Variants in GRIK1 observed in about 807,000 individuals in gnomAD.
GRIK1 encodes glutamate ionotropic receptor kainate type subunit 1.
GRIK1 carries 69 observed loss-of-function variants against 105.7 expected under a neutral mutation model. That is an observed-to-expected ratio of 0.65 (90% CI 0.54 to 0.80). The LOEUF (loss-of-function observed/expected upper bound fraction) is 0.80. GRIK1 is among the 30% of genes least tolerant of loss of function. The pLI is 0.00. For missense variants in GRIK1, 1,109 were observed against 1,167.3 expected, an observed-to-expected ratio of 0.95 and a Z score of 0.73; for synonymous variants, 438 against 431.3, an observed-to-expected ratio of 1.02 and a Z score of -0.19.
intron 6 of GRIK1, among the ~76,000 whole-genome samples, chr21:29,648,781 T>C (rs1269553656): frequency 6.6e-6 from 1 of 151,844 alleles, no homozygotes; most frequent in Non-Finnish European, 1.5e-5. Flanking sequence ...CTGTACTAGA[T>C]GGTGATTCAT....
intron 1 of GRIK1, among the ~76,000 whole-genome samples, chr21:29,710,357 AT>A (rs1024250584): frequency 6.6e-6 from 1 of 151,892 alleles, no homozygotes; most frequent in African/African-American, 2.4e-5. Flanking sequence ...GGCCTTGTCA[AT>A]TTTGTCATTA....
intron 1 of GRIK1, among the ~76,000 whole-genome samples, chr21:29,812,469 A>G (rs769406730): frequency 6.6e-6 from 1 of 152,072 alleles, no homozygotes; most frequent in East Asian, 1.9e-4. Flanking sequence ...CTTGACCTCA[A>G]ACTGTATTTT....
At chr21:29,570,431 G>C (rs1348233229) in intron 14 of GRIK1, among the ~76,000 whole-genome samples, 1 of 151,986 alleles carries the variant, frequency 6.6e-6, no homozygotes, top group Admixed American at 6.5e-5. Flanking sequence ...GAACCTGGGA[G>C]GCGGAGGTCA....
intron 1 of GRIK1, among the ~76,000 whole-genome samples, chr21:29,778,100 A>T (rs1003312084): frequency 6.6e-6 from 1 of 152,116 alleles, no homozygotes; most frequent in African/African-American, 2.4e-5. Context: ...TGGGTAAAAA[A>T]CTTAATATAG....
intron 1 of GRIK1, among the ~76,000 whole-genome samples, chr21:29,936,293 T>A (rs979679852): frequency 6.6e-6 from 1 of 152,252 alleles, no homozygotes; most frequent in Non-Finnish European, 1.5e-5. Flanking sequence ...ATCCTTATTA[T>A]AAATATTACA....
chr21:29,578,975 C>A (rs2090956702), intron 13 of GRIK1, among the ~76,000 whole-genome samples: 2 of 151,986 alleles, frequency 1.3e-5, no homozygotes, highest in African/African-American at 4.8e-5. Flanking sequence ...TTTATTCTTT[C>A]ATTATTTGGT....
At chr21:29,743,676 T>C (rs1377570360) in intron 1 of GRIK1, among the ~76,000 whole-genome samples, 2 of 152,068 alleles carry the variant, frequency 1.3e-5, no homozygotes, top group East Asian at 1.9e-4. Flanking sequence ...GCGTGGGTGA[T>C]AGAGTGAGAC....
At chr21:29,696,649 T>C (rs2063707154) in intron 1 of GRIK1, among the ~76,000 whole-genome samples, 1 of 152,238 alleles carries the variant, frequency 6.6e-6, no homozygotes, top group Non-Finnish European at 1.5e-5. Context: ...ACTTGTTTAC[T>C]TGTCTGTCTC....
In GRIK1 at chr21:29,825,978, C is replaced by A. The variant is rs569895412; in HGVS notation, c.118+113405G>T. Among the ~76,000 whole-genome samples, 5 of 152,198 alleles carry A rather than the reference C, an allele frequency of 3.3e-5. No homozygotes were observed. The East Asian group carries it at 5.8e-4, about 18-fold the overall frequency. ...TCTTTTAGAATAATGTAACAAGTAACTTGGAGCCTCCTCTGTGCCTCCACA... is the reference window on the plus strand; with the variant it reads ...TCTTTTAGAATAATGTAACAAGTAAATTGGAGCCTCCTCTGTGCCTCCACA... On this transcript the variant is annotated intron_variant, in intron 1 of 17. Transcript: ENST00000327783.
chr21:29,571,505 G>T (rs1279393464), intron 14 of GRIK1, among the ~76,000 whole-genome samples: 1 of 152,130 alleles, frequency 6.6e-6, no homozygotes, highest in Admixed American at 6.5e-5. Flanking sequence ...CTAAAATGTA[G>T]AGTGTCATGC....
rs363469 is a variant in GRIK1, at chr21:29,596,822, C to T, written c.1207-252G>A. The T allele has an allele frequency of 4.9e-3, 2,486 of 505,332 alleles. 51 individuals carry two copies. The highest frequency in any genetic ancestry group is 0.043 in the African/African-American group (2,233 of 51,636). The allele number at this position is 505,332 out of a possible 1,614,324, so 31.3% of individuals were successfully genotyped here. On this transcript the variant is annotated intron_variant, in intron 8 of 17. Transcript: ENST00000327783. ...TTTTCCTTTCACACACCAAGAAATGCCTTAAAGTGCTTTTCAATGTATACA... is the reference window on the plus strand; with the variant it reads ...TTTTCCTTTCACACACCAAGAAATGTCTTAAAGTGCTTTTCAATGTATACA...
chr21:29,641,929 C>T (rs1382916029), intron 7 of GRIK1, among the ~76,000 whole-genome samples: 1 of 152,184 alleles, frequency 6.6e-6, no homozygotes, highest in Non-Finnish European at 1.5e-5. Context: ...CTCCTGTGCC[C>T]TCCCTCTTCT....
At chr21:29,867,681 G>A (rs1173421036) in intron 1 of GRIK1, among the ~76,000 whole-genome samples, 3 of 151,990 alleles carry the variant, frequency 2.0e-5, no homozygotes, top group South Asian at 4.2e-4. Flanking sequence ...ATAATCCCAG[G>A]TACTTGGGAA....
intron 1 of GRIK1, among the ~76,000 whole-genome samples, chr21:29,793,269 A>G (rs897788492): frequency 4.6e-5 from 7 of 152,132 alleles, no homozygotes; most frequent in Non-Finnish European, 2.9e-5. Flanking sequence ...TGATAGGAAC[A>G]TTTTTTTGTG....
At chr21:29,896,737 C>T (rs984935583) in intron 1 of GRIK1, among the ~76,000 whole-genome samples, 1 of 152,024 alleles carries the variant, frequency 6.6e-6, no homozygotes, top group African/African-American at 2.4e-5. Flanking sequence ...ATGAACTGAC[C>T]AATTCTATGT....
At chr21:29,825,567 G>A (rs1222174430) in intron 1 of GRIK1, among the ~76,000 whole-genome samples, 1 of 151,982 alleles carries the variant, frequency 6.6e-6, no homozygotes, top group African/African-American at 2.4e-5. Context: ...TGGCTTTCTG[G>A]TTAAAAAGGG....
intron 1 of GRIK1, among the ~76,000 whole-genome samples, chr21:29,911,106 C>T (rs2070799914): frequency 6.6e-6 from 1 of 151,956 alleles, no homozygotes; most frequent in African/African-American, 2.4e-5. Context: ...TCAGTGAATC[C>T]TTCTAATACT....
At chr21:29,851,527 C>A (rs1234467219) in intron 1 of GRIK1, among the ~76,000 whole-genome samples, 1 of 152,198 alleles carries the variant, frequency 6.6e-6, no homozygotes, top group Non-Finnish European at 1.5e-5. Context: ...TACCTTTGCT[C>A]CCTTTTCTAG....
intron 1 of GRIK1, among the ~76,000 whole-genome samples, chr21:29,887,317 C>A (rs1390071893): frequency 6.6e-6 from 1 of 152,110 alleles, no homozygotes; most frequent in African/African-American, 2.4e-5. Flanking sequence ...TATGGGGGTA[C>A]AGAAGTTCTA....
Sources: gnomAD v4.1 joint callset for allele counts (sites outside exome capture counted in the v4.1 genomes callset) on GRCh38, gnomAD v4.1.1 for gene constraint, MANE v1.5 for transcripts, NCBI Gene and HGNC (gene_info 2026-07-23, HGNC 2026-07-21) for gene names.